NKAIN2: variants seen among roughly 807,000 people sequenced by gnomAD.
The protein encoded by NKAIN2 is sodium/potassium transporting ATPase interacting 2.
Under a neutral mutation model 32.6 loss-of-function variants are expected in NKAIN2, and 14 were observed. The ratio of observed to expected loss-of-function variants is 0.43; its 90% CI spans 0.28 to 0.67. NKAIN2 has a LOEUF of 0.67. Ranked by LOEUF, NKAIN2 falls within the 30% of genes least tolerant of loss-of-function variation. The probability of loss-of-function intolerance (pLI) is 0.17; values close to 1 mark genes in which losing one functional copy is unlikely to be tolerated. For missense variants in NKAIN2, 198 were observed against 258.3 expected, an observed-to-expected ratio of 0.77 and a Z score of 1.60; for synonymous variants, 80 against 87.2, an observed-to-expected ratio of 0.92 and a Z score of 0.46.
chr6:123,808,238 T>G (rs1773305409), intron 1 of NKAIN2, among the ~76,000 whole-genome samples: 1 of 152,150 alleles, frequency 6.6e-6, no homozygotes, highest in Admixed American at 6.5e-5. Flanking sequence ...TAACTTTATC[T>G]GCCACAAAAC....
chr6:124,387,294 GTT>G (rs5879731), intron 3 of NKAIN2, among the ~76,000 whole-genome samples: 7,858 of 146,370 alleles, frequency 0.054, 566 homozygotes, highest in African/African-American at 0.17. Flanking sequence ...CTAATTAAAG[GTT>G]TTTTTTTTTT....
intron 1 of NKAIN2, among the ~76,000 whole-genome samples, chr6:123,983,317 T>C (rs942617931): frequency 6.6e-6 from 1 of 152,080 alleles, no homozygotes; most frequent in Admixed American, 6.6e-5. Context: ...TTCCTATCAC[T>C]AGGAGGGGAT....
At chr6:124,560,817 T>G (rs1780661999) in intron 3 of NKAIN2, among the ~76,000 whole-genome samples, 1 of 152,228 alleles carries the variant, frequency 6.6e-6, no homozygotes, top group South Asian at 2.1e-4. Context: ...ATTTTTTGTT[T>G]AAATCAAAAC....
At chr6:124,706,206 A>T (rs945947) in intron 4 of NKAIN2, among the ~76,000 whole-genome samples, 99,019 of 151,936 alleles carry the variant, frequency 0.65, 32,796 homozygotes, top group East Asian at 0.75. Flanking sequence ...TACTCAACAA[A>T]TGTCTAAACA....
rs140830735 is a variant in NKAIN2, at chr6:124,764,310, T to C, written c.475-27029T>C. 5.5e-4 allele frequency among the ~76,000 whole-genome samples: 84 copies of C among 152,342 alleles called. 1 individual carries two copies. In the East Asian group the frequency reaches 9.6e-3, roughly 17 times the overall value. On this transcript the variant is annotated intron_variant, in intron 4 of 6. Transcript: ENST00000368417. ...AAAGTTTTTTAATGCTTATCACTAA[T>C]TTAAAATTATGGGGGTTATCAAACC...
intron 3 of NKAIN2, among the ~76,000 whole-genome samples, chr6:124,573,307 T>C (rs1308791709): frequency 1.3e-5 from 2 of 152,142 alleles, no homozygotes; most frequent in South Asian, 2.1e-4. Context: ...CTACTTCCTA[T>C]TGGGGTGGTG....
At chr6:124,711,670 C>G (rs1775468414) in intron 4 of NKAIN2, among the ~76,000 whole-genome samples, 1 of 151,740 alleles carries the variant, frequency 6.6e-6, no homozygotes, top group Non-Finnish European at 1.5e-5. Flanking sequence ...TCAGCTCCAT[C>G]AGCTCCTTTA....
intron 3 of NKAIN2, among the ~76,000 whole-genome samples, chr6:124,501,262 A>C (rs1362135609): frequency 1.3e-5 from 2 of 152,056 alleles, no homozygotes; most frequent in Non-Finnish European, 2.9e-5. Flanking sequence ...AACTTGAGCA[A>C]ATTCTTGAAT....
chr6:124,526,604 A>G (rs1779324138), intron 3 of NKAIN2, among the ~76,000 whole-genome samples: 1 of 152,164 alleles, frequency 6.6e-6, no homozygotes, highest in Non-Finnish European at 1.5e-5. Context: ...CTCAGAGAAA[A>G]GAGAACTGTA....
chr6:124,649,963 A>T (rs1784309063), intron 3 of NKAIN2, among the ~76,000 whole-genome samples: 1 of 152,148 alleles, frequency 6.6e-6, no homozygotes, highest in Non-Finnish European at 1.5e-5. Context: ...ATAAAAACAA[A>T]CAAAAAAACT....
rs182870380 is a variant in NKAIN2, at chr6:124,246,922, A to G, written c.55-36083A>G. The stretch of plus-strand genomic sequence containing the variant: ...CAACACAGGTGTCCCACTGGGCTAC[A>G]ACCAAGATGTTTACAGGACGGTATG... On this transcript the variant is annotated intron_variant, in intron 1 of 6. Coordinates refer to ENST00000368417, the MANE Select transcript of NKAIN2 (RefSeq NM_001040214.3). Among the ~76,000 whole-genome samples, 310 of 152,198 alleles carry G rather than the reference A, an allele frequency of 2.0e-3. 3 individuals carry two copies. The highest frequency in any genetic ancestry group is 0.014 in the Middle Eastern group (4 of 294).
At chr6:124,153,100 T>G (rs1787812719) in intron 1 of NKAIN2, among the ~76,000 whole-genome samples, 2 of 151,658 alleles carry the variant, frequency 1.3e-5, no homozygotes, top group Non-Finnish European at 3.0e-5. Flanking sequence ...AGTAGGAAAA[T>G]GACAGTTAAC....
At chr6:124,206,820 A>T (rs1302855638) in intron 1 of NKAIN2, among the ~76,000 whole-genome samples, 1 of 151,892 alleles carries the variant, frequency 6.6e-6, no homozygotes, top group Non-Finnish European at 1.5e-5. Context: ...GGATTAGCAC[A>T]AAGACTAACA....
chr6:124,564,491 C>G (rs56706679), intron 3 of NKAIN2, among the ~76,000 whole-genome samples: 6 of 152,080 alleles, frequency 3.9e-5, no homozygotes, highest in African/African-American at 1.2e-4. Context: ...GCCAACCCCC[C>G]CCTCCCCCAC....
chr6:123,941,490 T>C (rs961965243), intron 1 of NKAIN2, among the ~76,000 whole-genome samples: 2 of 151,890 alleles, frequency 1.3e-5, no homozygotes, highest in African/African-American at 4.8e-5. Flanking sequence ...CACCGCTATG[T>C]TATGATGGTG....
chr6:124,506,146 A>C (rs903071588), intron 3 of NKAIN2, among the ~76,000 whole-genome samples: 1 of 151,716 alleles, frequency 6.6e-6, no homozygotes, highest in African/African-American at 2.4e-5. Flanking sequence ...ACGCCACTGC[A>C]CTCCAGCCTC....
chr6:123,898,967 C>T (rs1231132640), intron 1 of NKAIN2, among the ~76,000 whole-genome samples: 1 of 152,204 alleles, frequency 6.6e-6, no homozygotes, highest in Non-Finnish European at 1.5e-5. Flanking sequence ...TGGTGAAAAC[C>T]ATTCAGACTA....
intron 1 of NKAIN2, among the ~76,000 whole-genome samples, chr6:123,894,989 G>T (rs968088003): frequency 6.6e-6 from 1 of 151,994 alleles, no homozygotes; most frequent in South Asian, 2.1e-4. Flanking sequence ...GATCTATAGC[G>T]CCCTAGAGGC....
chr6:124,640,008 T>C (rs192092724), intron 3 of NKAIN2, among the ~76,000 whole-genome samples: 35 of 152,246 alleles, frequency 2.3e-4, no homozygotes, highest in African/African-American at 7.9e-4. Flanking sequence ...AAAGGATAAA[T>C]ATTGAGGTGA....
Sources: allele counts gnomAD v4.1 joint callset (sites outside exome capture counted in the v4.1 genomes callset), GRCh38; gene constraint gnomAD v4.1.1; transcripts MANE v1.5; gene names NCBI Gene and HGNC (gene_info 2026-07-23, HGNC 2026-07-21).